Variants in IGF2R observed in about 807,000 individuals in gnomAD.
The protein encoded by IGF2R is cation-independent mannose-6-phosphate receptor.
IGF2R carries 91 observed loss-of-function variants against 270.6 expected under a neutral mutation model. The ratio of observed to expected loss-of-function variants is 0.34; its 90% CI spans 0.28 to 0.40. IGF2R has a LOEUF of 0.40. Ranked by LOEUF, IGF2R falls within the 10% of genes least tolerant of loss-of-function variation. The probability of loss-of-function intolerance (pLI) is 1.00; values close to 1 mark genes in which losing one functional copy is unlikely to be tolerated. For missense variants in IGF2R, 2,805 were observed against 3,188.3 expected, an observed-to-expected ratio of 0.88 and a Z score of 2.90; for synonymous variants, 1,316 against 1,258.9, an observed-to-expected ratio of 1.05 and a Z score of -0.96.
intron 2 of IGF2R, among the ~76,000 whole-genome samples, chr6:159,999,023 G>A (rs1784090458): frequency 6.6e-6 from 1 of 152,226 alleles, no homozygotes; most frequent in South Asian, 2.1e-4. Flanking sequence ...ATCTGCCCCC[G>A]AAGTCCAAGG....
intron 1 of IGF2R, among the ~76,000 whole-genome samples, chr6:159,979,304 C>T (rs1321728754): frequency 1.3e-5 from 2 of 152,178 alleles, no homozygotes; most frequent in African/African-American, 4.8e-5. Context: ...CCCTGGCCTG[C>T]AAATAGAGTG....
chr6:160,051,515 T>G (rs57570593), intron 19 of IGF2R, among the ~76,000 whole-genome samples: 26,285 of 152,132 alleles, frequency 0.17, 2,380 homozygotes, highest in Middle Eastern at 0.2. Flanking sequence ...CTTCTCAGCA[T>G]GTCAAAGCAC....
At position 160,088,123 on chromosome 6, in the gene IGF2R, C is replaced by T. The variant is rs755610532; in HGVS notation, c.6296C>T (p.Thr2099Met). 2.9e-5 allele frequency: 47 copies of T among 1,610,876 alleles called. No homozygotes were observed. The highest frequency in any genetic ancestry group is 3.4e-5 in the Non-Finnish European group (40 of 1,177,182). The change falls in exon 42 of 48, where the codon ACG becomes ATG. Residue 2099 changes from threonine (T) to methionine (M), a missense_variant. Physicochemically the swap from Thr to Met is moderately conservative, Grantham distance 81. This residue lies in a region of IGF2R where 1,851 missense variants were observed against 2,207.2 expected (regional missense o/e 0.84). Coordinates refer to ENST00000356956, the MANE Select transcript of IGF2R (RefSeq NM_000876.4). ...GTGATAGAATTGACCTGTACAAAGA[C>T]GGTGGGCAGACCTGCATTCAAGAGG... ...SSVIELTCTK[T>M]VGRPAFKRFD...
chr6:160,062,738 G>A (rs1295894451), intron 26 of IGF2R, 119 bp downstream of exon 26: 7 of 634,772 alleles, frequency 1.1e-5, no homozygotes, highest in African/African-American at 3.8e-5. Context: ...TGAGACACAC[G>A]CTAGGGGGAG....
In IGF2R at chr6:160,071,241, C is replaced by G. The variant is rs79847216; in HGVS notation, c.4444-669C>G. Among the ~76,000 whole-genome samples the G allele has an allele frequency of 7.3e-3, 494 of 67,316 alleles. 7 individuals carry two copies. Among genetic ancestry groups the G allele is most frequent in the African/African-American group, 0.024 (357 of 14,772 alleles). The allele number at this position is 67,316 out of a possible 152,430, so 44.2% of individuals were successfully genotyped here. A position where few individuals can be genotyped will look rare whatever the true frequency, so the allele number is the denominator to read the frequency against. ...CTGGGAGGGAAGGGTGGGGGTGTGT[C>G]GAGGCCCCTGTGCCCAGGGCCCAGG... On this transcript the variant is annotated intron_variant, in intron 31 of 47. Coordinates refer to ENST00000356956, the MANE Select transcript of IGF2R (RefSeq NM_000876.4).
Position 160,089,067 on chromosome 6 carries a change from G to A in IGF2R, c.6321-40G>A, listed in dbSNP as rs761613599. 4.4e-6 allele frequency: 7 copies of A among 1,594,932 alleles called. No individual in the cohort carries two copies. The African/African-American group carries it at 8.1e-5, about 18-fold the overall frequency. On this transcript the variant is annotated intron_variant, in intron 42 of 47. Coordinates refer to ENST00000356956, the MANE Select transcript of IGF2R (RefSeq NM_000876.4). ...GTTTTGCAGTCTTCCCTTATGTCTG[G>A]CTGGGGAAGTGACTGTAGCCTGTGC...
Position 160,064,879 on chromosome 6 carries a change from G to C in IGF2R, c.4093G>C (p.Asp1365His). 1 of 1,611,030 alleles carries C rather than the reference G, an allele frequency of 6.2e-7. No homozygotes were observed. Among genetic ancestry groups the C allele is most frequent in the Non-Finnish European group, 8.5e-7 (1 of 1,177,144 alleles). ...WRTQYACPPF[D>H]LTECSFKDGA... ...AACGCAGTATGCCTGCCCACCTTTCGATCTGACTGAATGTTCATTCAAGTA... is the reference window on the plus strand; with the variant it reads ...AACGCAGTATGCCTGCCCACCTTTCCATCTGACTGAATGTTCATTCAAGTA... Residue 1365 changes from aspartate to histidine, a missense_variant, in exon 29 of 48, where the codon GAT (aspartate) becomes CAT (histidine). Physicochemically the swap from Asp to His is moderately conservative, Grantham distance 81. This residue lies in a region of IGF2R where 1,851 missense variants were observed against 2,207.2 expected (regional missense o/e 0.84). Coordinates refer to ENST00000356956, the MANE Select transcript of IGF2R (RefSeq NM_000876.4).
At chr6:160,008,450 T>C (rs1448797743) in intron 2 of IGF2R, among the ~76,000 whole-genome samples, 1 of 152,210 alleles carries the variant, frequency 6.6e-6, no homozygotes, top group African/African-American at 2.4e-5. Context: ...CATGTTGATT[T>C]TTACATAGAC....
chr6:159,993,528 T>A (rs1248771847), intron 2 of IGF2R, among the ~76,000 whole-genome samples: 3 of 152,176 alleles, frequency 2.0e-5, no homozygotes, highest in East Asian at 3.9e-4. Context: ...TCAGTTGGTT[T>A]TAAGTATGTG....
rs190644686 is a variant in IGF2R, at chr6:160,066,129, C to T, written c.4115+1228C>T. 3.2e-3 allele frequency among the ~76,000 whole-genome samples: 492 copies of T among 151,858 alleles called. 5 individuals carry two copies. Among genetic ancestry groups the T allele is most frequent in the African/African-American group, 0.012 (479 of 41,364 alleles). ...TCCCGGGTTCAAGTGACTCTCCTGC[C>T]TCAGCCTCCCGAGTAGCTGGGATTA... On this transcript the variant is annotated intron_variant, in intron 29 of 47. Transcript: ENST00000356956.
At chr6:160,071,407 G>C (rs1326517874) in intron 31 of IGF2R, among the ~76,000 whole-genome samples, 3 of 152,218 alleles carry the variant, frequency 2.0e-5, no homozygotes, top group Non-Finnish European at 4.4e-5. Context: ...AACTCATCAT[G>C]CTAACTCTGC....
At chr6:159,995,902 T>A in intron 2 of IGF2R, among the ~76,000 whole-genome samples, 1 of 151,256 alleles carries the variant, frequency 6.6e-6, no homozygotes, top group East Asian at 1.9e-4. Flanking sequence ...GCTCTTTTTT[T>A]TTTTTTTTTT....
intron 28 of IGF2R, 124 bp downstream of exon 28, chr6:160,064,655 C>G (rs1011164159): frequency 4.2e-6 from 5 of 1,203,834 alleles, no homozygotes; most frequent in Admixed American, 2.0e-5. Context: ...TTAAAATAAC[C>G]ATTTACAGAA....
intron 26 of IGF2R, 21 bp downstream of exon 26, chr6:160,062,640 A>G: frequency 6.4e-7 from 1 of 1,566,472 alleles, no homozygotes; most frequent in Non-Finnish European, 8.8e-7. Flanking sequence ...GCCTGTCCCT[A>G]CAAGTCATTT....
chr6:160,060,488 G>A, intron 22 of IGF2R, 59 bp from the exon 23 acceptor site: 1 of 1,559,012 alleles, frequency 6.4e-7, no homozygotes, highest in Non-Finnish European at 8.8e-7. Context: ...CACTGTGCTT[G>A]TGGGCTGCGC....
chr6:160,048,605 G>A, intron 18 of IGF2R, 62 bp downstream of exon 18: 2 of 1,542,640 alleles, frequency 1.3e-6, no homozygotes. Context: ...AGTGGGAGGA[G>A]GTGGTTATTC....
chr6:160,074,483 A>G (rs1425089627), intron 35 of IGF2R, among the ~76,000 whole-genome samples: 3 of 152,236 alleles, frequency 2.0e-5, no homozygotes, highest in East Asian at 3.8e-4. Context: ...GAGTATTGCT[A>G]TGTCACCCAG....
chr6:160,093,928 A>G (rs1583304128), intron 44 of IGF2R: 2 of 708,326 alleles, frequency 2.8e-6, no homozygotes. Flanking sequence ...TATCTTTATC[A>G]CAGACTTTGC....
chr6:160,084,036 G>A lies in IGF2R; in HGVS notation c.5920G>A (p.Gly1974Arg), dbSNP rs1779044403. Reference protein sequence around the residue: ...GRPQVFSEVRGCDVTFEWKTK... With the variant: ...GRPQVFSEVRRCDVTFEWKTK... The stretch of plus-strand genomic sequence containing the variant: ...GCCACAAGTCTTCAGTGAAGTGCGT[G>A]GGTGTGATGTGACATTTGAGTGGAA... The change falls in exon 40 of 48, where the codon GGG (glycine) becomes AGG (arginine). Residue 1974 changes from glycine to arginine, a missense_variant. This residue lies in a region of IGF2R where 1,851 missense variants were observed against 2,207.2 expected (regional missense o/e 0.84). Transcript: ENST00000356956. This position sits in a 1 kb window ranked among gnomAD's most constrained non-coding sequence, Gnocchi z 4.6. The A allele has an allele frequency of 1.2e-6, 2 of 1,614,108 alleles. No homozygotes were observed. Among genetic ancestry groups the A allele is most frequent in the Non-Finnish European group, 8.5e-7 (1 of 1,179,968 alleles).
Sources: gnomAD v4.1 joint callset for allele counts (sites outside exome capture counted in the v4.1 genomes callset) on GRCh38, gnomAD v4.1.1 for gene constraint, gnomAD v4.1.1 regional missense constraint, Gnocchi (gnomAD v3.1) non-coding constraint, MANE v1.5 for transcripts, NCBI Gene and HGNC (gene_info 2026-07-23, HGNC 2026-07-21) for gene names.